The following FAM89B variants were observed in gnomAD, a reference collection of about 807,000 sequenced individuals.
FAM89B encodes the protein leucine repeat adapter protein 25.
FAM89B carries 9 observed loss-of-function variants against 13.4 expected under a neutral mutation model. The ratio of observed to expected loss-of-function variants is 0.67; its 90% confidence interval spans 0.40 to 1.17. The LOEUF (loss-of-function observed/expected upper bound fraction) is 1.17. FAM89B is among the 50% of genes most tolerant of loss of function. The pLI is 0.01. For synonymous variants in FAM89B, 138 were observed against 121.2 expected, an observed-to-expected ratio of 1.14 and a Z score of -0.91; for missense variants, 256 against 256.1, an observed-to-expected ratio of 1.00 and a Z score of 0.00.
Position 65,573,016 on chromosome 11 carries a change from G to GGGACTGGGACAGGC in FAM89B, c.291+59_291+72dup, listed in dbSNP as rs1422948172. 4.9e-6 allele frequency: 6 copies of GGGACTGGGACAGGC among 1,218,334 alleles called. No homozygotes were observed. The African/African-American group carries it at 7.8e-5, about 16-fold the overall frequency. The allele number at this position is 1,218,334 out of a possible 1,614,324, so 75.5% of individuals were successfully genotyped here. On this transcript the variant is annotated intron_variant, in intron 1 of 1. Transcript: ENST00000530349. The stretch of plus-strand genomic sequence containing the variant: ...GGGGGGCTGACGCGGAGGAACGCAG[G>GGGACTGGGACAGGC]GGACTGGGACAGGCGGCCTGGGTCT...
rs768147262 is a variant in FAM89B at position 65,573,460 on chromosome 11, T to G, written c.389T>G (p.Phe130Cys). ...DYKHLCQDLSFCQDLSSSLHS... is the reference protein window; with the variant it reads ...DYKHLCQDLSCCQDLSSSLHS... ...AAACACCTGTGCCAAGACCTGAGCT[T>G]CTGCCAGGACCTGTCATCCTCCCTC... The change falls in exon 2 of 2, where the codon TTC becomes TGC. Residue 130 changes from phenylalanine (F) to cysteine (C), a missense_variant. Transcript: ENST00000530349. 5 of 1,614,050 alleles carry G rather than the reference T, an allele frequency of 3.1e-6. No homozygotes were observed. Among genetic ancestry groups the G allele is most frequent in the East Asian group, 2.2e-5 (1 of 44,884 alleles).
Position 65,572,556 on chromosome 11 carries a change from T to G in FAM89B, c.-114T>G. ...GCTGGGGAAGGAACAAAGCGAGGCC[T>G]GCGGGCGGCGGCTGGGCTCCGGCGG... is the stretch of plus-strand genomic sequence containing the variant. On this transcript the variant is annotated 5_prime_UTR_variant, in exon 1 of 2. Transcript: ENST00000530349. 4 of 1,452,698 alleles carry G rather than the reference T, an allele frequency of 2.8e-6. No homozygotes were observed. The South Asian group carries it at 4.1e-5, about 15-fold the overall frequency. The allele number at this position is 1,452,698 out of a possible 1,614,324, so 90.0% of individuals were successfully genotyped here.
chr11:65,573,473 G>A lies in FAM89B; in HGVS notation c.402G>A (p.Leu134=). 2.5e-6 allele frequency: 4 copies of A among 1,614,140 alleles called. No individual in the cohort carries two copies. The South Asian group carries it at 4.4e-5, about 18-fold the overall frequency. The change falls in exon 2 of 2, where the codon CTG becomes CTA. Residue 134 remains leucine, a synonymous_variant. Coordinates refer to ENST00000530349, the MANE Select transcript of FAM89B (RefSeq NM_001098785.2). The part of the protein sequence containing the change: ...LCQDLSFCQD[L]SSSLHSDSSY... ...AAGACCTGAGCTTCTGCCAGGACCT[G>A]TCATCCTCCCTCCATTCGGACAGCT...
At position 65,572,597 on chromosome 11, in the gene FAM89B, G is replaced by T. The variant is rs1857150471; in HGVS notation, c.-73G>T. 10 of 1,232,498 alleles carry T rather than the reference G, an allele frequency of 8.1e-6. No homozygotes were observed. In the South Asian group the frequency reaches 3.4e-4, roughly 42 times the overall value. 76.3% of individuals were successfully genotyped at this position (1,232,498 alleles called of 1,614,324 possible). Reference sequence around the variant, plus strand: ...GCTCCGGCGGGGCCGCGGGGTGCGGGGCCTGCGGGCGGCGGCCCGGGCGGA... The same window carrying T: ...GCTCCGGCGGGGCCGCGGGGTGCGGTGCCTGCGGGCGGCGGCCCGGGCGGA... On this transcript the variant is annotated 5_prime_UTR_variant, in exon 1 of 2. Transcript: ENST00000530349.
rs1288999939 is a variant in FAM89B, at chr11:65,573,347, C to T, written c.292-16C>T. 1.3e-6 allele frequency: 2 copies of T among 1,536,304 alleles called. No individual in the cohort carries two copies. The highest frequency in any genetic ancestry group is 1.8e-6 in the Non-Finnish European group (2 of 1,136,380). On this transcript the variant is annotated splice_polypyrimidine_tract_variant and intron_variant, in intron 1 of 1. Transcript: ENST00000530349. Reference sequence around the variant, plus strand: ...GGCCTGGACCCCAACTCCAGCCCACCCTCAGTTGTCTGCAGGTGGGGCTGC... The same window carrying T: ...GGCCTGGACCCCAACTCCAGCCCACTCTCAGTTGTCTGCAGGTGGGGCTGC...
In FAM89B at chr11:65,573,647, TG is replaced by T. The variant is rs772788537; in HGVS notation, c.*12del. 7.5e-6 allele frequency: 12 copies of T among 1,597,894 alleles called. No homozygotes were observed. The highest frequency in any genetic ancestry group is 6.7e-5 in the African/African-American group (5 of 74,908). ...CCTTCCACATCAGCCTCTGAAGGGC[TG>T]GGGGGCAGGGGGCATGCACCCATGC... On this transcript the variant is annotated 3_prime_UTR_variant, in exon 2 of 2. Transcript: ENST00000530349.
Position 65,572,877 on chromosome 11 carries a change from G to A in FAM89B, c.208G>A (p.Gly70Ser), listed in dbSNP as rs918173292. The change falls in exon 1 of 2, where the codon GGC becomes AGC. Residue 70 changes from glycine to serine, a missense_variant. Transcript: ENST00000530349. ...RAPDGPRHAA[G>S]AANAGPAAGP... ...CCCGGACGGGCCCCGCCACGCCGCC[G>A]GCGCCGCCAACGCGGGACCCGCAGC... The A allele has an allele frequency of 1.7e-6, 2 of 1,201,718 alleles. No individual in the cohort carries two copies. Among genetic ancestry groups the A allele is most frequent in the Non-Finnish European group, 2.1e-6 (2 of 972,600 alleles). The allele number at this position is 1,201,718 out of a possible 1,614,324, so 74.4% of individuals were successfully genotyped here. A position where few individuals can be genotyped will look rare whatever the true frequency, so the allele number is the denominator to read the frequency against.
chr11:65,572,544 C>A lies in FAM89B; in HGVS notation c.-126C>A. 3 of 1,504,054 alleles carry A rather than the reference C, an allele frequency of 2.0e-6. No individual in the cohort carries two copies. Among genetic ancestry groups the A allele is most frequent in the Non-Finnish European group, 2.7e-6 (3 of 1,128,000 alleles). The allele number at this position is 1,504,054 out of a possible 1,614,324, so 93.2% of individuals were successfully genotyped here. On this transcript the variant is annotated 5_prime_UTR_variant, in exon 1 of 2. Coordinates refer to ENST00000530349, the MANE Select transcript of FAM89B (RefSeq NM_001098785.2). ...GGAGTCTGAGGAGCTGGGGAAGGAA[C>A]AAAGCGAGGCCTGCGGGCGGCGGCT...
chr11:65,573,353 T>C lies in FAM89B; in HGVS notation c.292-10T>C, dbSNP rs1857165735. On this transcript the variant is annotated splice_polypyrimidine_tract_variant and intron_variant, in intron 1 of 1. Transcript: ENST00000530349. ...GACCCCAACTCCAGCCCACCCTCAG[T>C]TGTCTGCAGGTGGGGCTGCGGCAGT... 2 of 1,541,014 alleles carry C rather than the reference T, an allele frequency of 1.3e-6. No individual in the cohort carries two copies. The highest frequency in any genetic ancestry group is 8.8e-7 in the Non-Finnish European group (1 of 1,138,208).
rs750949485 is a variant in FAM89B, at chr11:65,573,690, C to A, written c.*49C>A. 43 of 1,532,380 alleles carry A rather than the reference C, an allele frequency of 2.8e-5. No individual in the cohort carries two copies. The highest frequency in any genetic ancestry group is 2.2e-4 in the Admixed American group (12 of 53,604). 94.9% of individuals were successfully genotyped at this position (1,532,380 alleles called of 1,614,324 possible). On this transcript the variant is annotated 3_prime_UTR_variant, in exon 2 of 2. Coordinates refer to ENST00000530349, the MANE Select transcript of FAM89B (RefSeq NM_001098785.2). Reference sequence around the variant, plus strand: ...CACCCATGCAAAAGGCTCAGAAACTCCCCCTCCGGCAAGCCCTCAGACTTC... The same window carrying A: ...CACCCATGCAAAAGGCTCAGAAACTACCCCTCCGGCAAGCCCTCAGACTTC...
In FAM89B at chr11:65,572,690, A is replaced by C; in HGVS notation, c.21A>C (p.Ala7=). 1 of 1,154,462 alleles carries C rather than the reference A, an allele frequency of 8.7e-7. No individual in the cohort carries two copies. Among genetic ancestry groups the C allele is most frequent in the South Asian group, 4.2e-5 (1 of 23,952 alleles). The allele number at this position is 1,154,462 out of a possible 1,614,324, so 71.5% of individuals were successfully genotyped here. A position where few individuals can be genotyped will look rare whatever the true frequency, so the allele number is the denominator to read the frequency against. ...CGGCCATGAACGGGCTGCCCTCGGC[A>C]GAGGCGCCGGGCGGGGCGGGCTGCG... MNGLPS[A]EAPGGAGCAL... is the part of the protein sequence containing the mutation. Residue 7 remains alanine (A), a synonymous_variant, in exon 1 of 2, where the codon GCA becomes GCC. Coordinates refer to ENST00000530349, the MANE Select transcript of FAM89B (RefSeq NM_001098785.2).
At position 65,573,649 on chromosome 11, in the gene FAM89B, G is replaced by C; in HGVS notation, c.*8G>C. On this transcript the variant is annotated 3_prime_UTR_variant, in exon 2 of 2. Transcript: ENST00000530349. Reference sequence around the variant, plus strand: ...TTCCACATCAGCCTCTGAAGGGCTGGGGGGCAGGGGGCATGCACCCATGCA... The same window carrying C: ...TTCCACATCAGCCTCTGAAGGGCTGCGGGGCAGGGGGCATGCACCCATGCA... 1 of 1,593,036 alleles carries C rather than the reference G, an allele frequency of 6.3e-7. No homozygotes were observed. Among genetic ancestry groups the C allele is most frequent in the South Asian group, 1.1e-5 (1 of 90,048 alleles).
rs755175338 is a variant in FAM89B, at chr11:65,573,485, C to G, written c.414C>G (p.Leu138=). 2.5e-6 allele frequency: 4 copies of G among 1,614,166 alleles called. No homozygotes were observed. Among genetic ancestry groups the G allele is most frequent in the Admixed American group, 1.7e-5 (1 of 60,020 alleles). The change falls in exon 2 of 2, where the codon CTC becomes CTG. Residue 138 remains leucine (L), a synonymous_variant. Transcript: ENST00000530349. Reference sequence around the variant, plus strand: ...TCTGCCAGGACCTGTCATCCTCCCTCCATTCGGACAGCTCCTACCCACCGG... The same window carrying G: ...TCTGCCAGGACCTGTCATCCTCCCTGCATTCGGACAGCTCCTACCCACCGG... ...LSFCQDLSSS[L]HSDSSYPPDA... is the part of the protein sequence containing the mutation.
rs1233724121 is a variant in FAM89B at position 65,573,446 on chromosome 11, C to T, written c.375C>T (p.Cys125=). The T allele has an allele frequency of 6.2e-7, 1 of 1,613,620 alleles. No homozygotes were observed. Among genetic ancestry groups the T allele is most frequent in the South Asian group, 1.1e-5 (1 of 91,048 alleles). The stretch of plus-strand genomic sequence containing the variant: ...CAATCCAGGACTACAAACACCTGTG[C>T]CAAGACCTGAGCTTCTGCCAGGACC... The part of the protein sequence containing the change: ...YESIQDYKHL[C]QDLSFCQDLS... Residue 125 remains cysteine, a synonymous_variant, in exon 2 of 2, where the codon TGC becomes TGT. Coordinates refer to ENST00000530349, the MANE Select transcript of FAM89B (RefSeq NM_001098785.2).
At position 65,572,917 on chromosome 11, in the gene FAM89B, C is replaced by T. The variant is rs1430244251; in HGVS notation, c.248C>T (p.Pro83Leu). The T allele has an allele frequency of 9.0e-6, 11 of 1,221,746 alleles. No homozygotes were observed. Among genetic ancestry groups the T allele is most frequent in the African/African-American group, 1.6e-5 (1 of 63,550 alleles). 75.7% of individuals were successfully genotyped at this position (1,221,746 alleles called of 1,614,324 possible). The change falls in exon 1 of 2, where the codon CCT (proline) becomes CTT (leucine). Residue 83 changes from proline (P) to leucine (L), a missense_variant. Coordinates refer to ENST00000530349, the MANE Select transcript of FAM89B (RefSeq NM_001098785.2). ...GGACCCGCAGCCGGCCCGCGTCGTC[C>T]TGTCAACCTCGACTCAGCGCTGGCC... Reference protein sequence around the residue: ...NAGPAAGPRRPVNLDSALAAL... With the variant: ...NAGPAAGPRRLVNLDSALAAL...
In FAM89B at chr11:65,573,673, CA is replaced by C; in HGVS notation, c.*36del. 1.3e-6 allele frequency: 2 copies of C among 1,555,802 alleles called. No homozygotes were observed. The highest frequency in any genetic ancestry group is 1.7e-6 in the Non-Finnish European group (2 of 1,154,530). ...GGGGGGCAGGGGGCATGCACCCATG[CA>C]AAAGGCTCAGAAACTCCCCCTCCGG... On this transcript the variant is annotated 3_prime_UTR_variant, in exon 2 of 2. Coordinates refer to ENST00000530349, the MANE Select transcript of FAM89B (RefSeq NM_001098785.2).
chr11:65,573,423 A>T lies in FAM89B; in HGVS notation c.352A>T (p.Ile118Phe). ...CCAGCTGTGGGGCCTGTACGAGTCA[A>T]TCCAGGACTACAAACACCTGTGCCA... ...LCQLWGLYES[I>F]QDYKHLCQDL... Residue 118 changes from isoleucine to phenylalanine, a missense_variant, in exon 2 of 2, where the codon ATC becomes TTC. Transcript: ENST00000530349. The T allele has an allele frequency of 6.2e-7, 1 of 1,610,488 alleles. No homozygotes were observed. The highest frequency in any genetic ancestry group is 2.2e-5 in the East Asian group (1 of 44,764).
rs1451529451 is a variant in FAM89B, at chr11:65,572,723, C to T, written c.54C>T (p.Ala18=). 7 of 1,163,516 alleles carry T rather than the reference C, an allele frequency of 6.0e-6. No homozygotes were observed. The African/African-American group carries it at 1.1e-4, about 19-fold the overall frequency. 72.1% of individuals were successfully genotyped at this position (1,163,516 alleles called of 1,614,324 possible). A position where few individuals can be genotyped will look rare whatever the true frequency, so the allele number is the denominator to read the frequency against. ...EAPGGAGCAL[A]GLPPLPRGLS... is the part of the protein sequence containing the mutation. ...CGGGCGGGGCGGGCTGCGCTTTGGCCGGGCTCCCACCGCTGCCGCGCGGCC... is the reference window on the plus strand; with the variant it reads ...CGGGCGGGGCGGGCTGCGCTTTGGCTGGGCTCCCACCGCTGCCGCGCGGCC... Residue 18 remains alanine (A), a synonymous_variant, in exon 1 of 2, where the codon GCC becomes GCT. Transcript: ENST00000530349.
In FAM89B at chr11:65,572,734, C is replaced by T. The variant is rs1455924878; in HGVS notation, c.65C>T (p.Pro22Leu). 1.7e-6 allele frequency: 2 copies of T among 1,167,556 alleles called. No individual in the cohort carries two copies. Among genetic ancestry groups the T allele is most frequent in the Non-Finnish European group, 2.1e-6 (2 of 945,636 alleles). 72.3% of individuals were successfully genotyped at this position (1,167,556 alleles called of 1,614,324 possible). A position where few individuals can be genotyped will look rare whatever the true frequency, so the allele number is the denominator to read the frequency against. ...GGCTGCGCTTTGGCCGGGCTCCCAC[C>T]GCTGCCGCGCGGCCTCAGCGGCCTC... The part of the protein sequence containing the change: ...GAGCALAGLP[P>L]LPRGLSGLLN... The change falls in exon 1 of 2, where the codon CCG becomes CTG. Residue 22 changes from proline to leucine, a missense_variant. Pro to Leu is a moderately conservative substitution (Grantham distance 98, BLOSUM62 -3). Coordinates refer to ENST00000530349, the MANE Select transcript of FAM89B (RefSeq NM_001098785.2).
Sources: allele counts gnomAD v4.1 joint callset, GRCh38; gene constraint gnomAD v4.1.1; transcripts MANE v1.5; gene names NCBI Gene and HGNC (gene_info 2026-07-23, HGNC 2026-07-21).